Variants in ANKRD30A observed in about 807,000 individuals in gnomAD.
ANKRD30A encodes the protein ankyrin repeat domain 30A.
Under a neutral mutation model 166.3 loss-of-function variants are expected in ANKRD30A, and 170 were observed. The observed-to-expected ratio is 1.02, with a 90% CI of 0.90 to 1.16. The LOEUF is 1.16. Among genes scored for constraint, ANKRD30A ranks in the 50% most tolerant of loss-of-function variants. ANKRD30A has a pLI of 0.00. For missense variants in ANKRD30A, 1,630 were observed against 1,518.0 expected (o/e 1.07, Z -1.23); for synonymous variants, 564 against 508.9 (o/e 1.11, Z -1.46).
chr10:37,263,290 G>A, the ANKRD30A span, among the ~76,000 whole-genome samples: 1 of 151,930 alleles, frequency 6.6e-6, no homozygotes, highest in African/African-American at 2.4e-5. Flanking sequence ...ACCAGAGACT[G>A]GTTTCATGGA....
At chr10:37,244,433 T>G in the ANKRD30A span, among the ~76,000 whole-genome samples, 1 of 152,196 alleles carries the variant, frequency 6.6e-6, no homozygotes, top group East Asian at 1.9e-4. Flanking sequence ...ACAAGAACAT[T>G]TAAACTCCTC....
chr10:37,179,013 A>AACAT (rs1342731044), intron 24 of ANKRD30A, among the ~76,000 whole-genome samples: 1 of 116,832 alleles, frequency 8.6e-6, no homozygotes, highest in Admixed American at 8.5e-5. Flanking sequence ...TGAGGCGTCA[A>AACAT]ATATATATAT....
At chr10:37,150,523 G>T (rs958186906) in intron 11 of ANKRD30A, among the ~76,000 whole-genome samples, 4 of 152,022 alleles carry the variant, frequency 2.6e-5, no homozygotes, top group African/African-American at 9.7e-5. Flanking sequence ...TCTTATGCAT[G>T]TTTAAACATT....
chr10:37,155,942 G>A (rs534280582), intron 13 of ANKRD30A, among the ~76,000 whole-genome samples: 199 of 152,062 alleles, frequency 1.3e-3, no homozygotes, highest in Non-Finnish European at 2.3e-3. Context: ...TTAGCCGGGC[G>A]TGGTGGTGGG....
intron 15 of ANKRD30A, among the ~76,000 whole-genome samples, chr10:37,159,972 T>C (rs1838726074): frequency 6.6e-6 from 1 of 152,196 alleles, no homozygotes. Context: ...GTACTGGAAT[T>C]ACAGGCGTGA....
At chr10:37,208,656 C>G (rs1564571986) in intron 31 of ANKRD30A, among the ~76,000 whole-genome samples, 1 of 152,090 alleles carries the variant, frequency 6.6e-6, no homozygotes, top group East Asian at 1.9e-4. Context: ...GGGAAAACCA[C>G]CATACTAAGT....
chr10:37,264,443 A>G, the ANKRD30A span: 83 of 181,946 alleles, frequency 4.6e-4, no homozygotes, highest in South Asian at 3.4e-3. Flanking sequence ...GGTAGCTAGG[A>G]TGCAGGGATT....
intron 34 of ANKRD30A, among the ~76,000 whole-genome samples, chr10:37,224,798 TTTTCA>T (rs983856896): frequency 1.5e-4 from 22 of 151,546 alleles, no homozygotes; most frequent in Non-Finnish European, 2.7e-4. Context: ...ATGATCTCTC[TTTTCA>T]TTTCTTTTCT....
intron 17 of ANKRD30A, among the ~76,000 whole-genome samples, chr10:37,164,860 T>C (rs1300868197): frequency 1.3e-5 from 2 of 152,038 alleles, no homozygotes; most frequent in Admixed American, 1.3e-4. Context: ...TTCATACAAG[T>C]TAGTCAAATT....
Position 37,197,408 on chromosome 10 carries a change from C to T in ANKRD30A, c.2644C>T (p.Pro882Ser), listed in dbSNP as rs1219901612. 2 of 1,612,474 alleles carry T rather than the reference C, an allele frequency of 1.2e-6. No individual in the cohort carries two copies. Among genetic ancestry groups the T allele is most frequent in the African/African-American group, 2.7e-5 (2 of 74,828 alleles). Residue 882 changes from proline to serine, a missense_variant and splice_region_variant, in exon 29 of 36, where the codon CCT becomes TCT. By Grantham distance (74) the Pro-to-Ser change is moderately conservative. This residue lies in a region of ANKRD30A where 712 missense variants were observed against 629.3 expected (regional missense o/e 1.13). Coordinates refer to ENST00000361713, the MANE Select transcript of ANKRD30A (RefSeq NM_052997.3). ...TCATTTTGCTTCCAACCCCATTTAGCCTGCCATTGAAATGCAAAAGTCTGT... is the reference window on the plus strand; with the variant it reads ...TCATTTTGCTTCCAACCCCATTTAGTCTGCCATTGAAATGCAAAAGTCTGT... ...EPPEKPSAFE[P>S]AIEMQKSVPN...
chr10:37,262,129 T>C, the ANKRD30A span, among the ~76,000 whole-genome samples: 4 of 152,232 alleles, frequency 2.6e-5, no homozygotes, highest in Non-Finnish European at 5.9e-5. Flanking sequence ...CAGAGTTTCT[T>C]GACAGGTGAT....
At chr10:37,135,767 A>G (rs1271032503) in intron 5 of ANKRD30A, among the ~76,000 whole-genome samples, 2 of 152,190 alleles carry the variant, frequency 1.3e-5, no homozygotes, top group African/African-American at 4.8e-5. Context: ...TCAGTAATAG[A>G]GGATAATCAG....
chr10:37,150,686 T>G (rs1837862968), intron 11 of ANKRD30A, among the ~76,000 whole-genome samples: 1 of 152,108 alleles, frequency 6.6e-6, no homozygotes, highest in African/African-American at 2.4e-5. Context: ...TTAACTGTGT[T>G]TTTTAATATT....
At position 37,165,007 on chromosome 10, in the gene ANKRD30A, C is replaced by T. The variant is rs560388390; in HGVS notation, c.2003-87C>T. The T allele has an allele frequency of 2.1e-5, 28 of 1,358,976 alleles. No individual in the cohort carries two copies. In the African/African-American group the frequency reaches 2.9e-4, roughly 14 times the overall value. The allele number at this position is 1,358,976 out of a possible 1,614,324, so 84.2% of individuals were successfully genotyped here. On this transcript the variant is annotated intron_variant, in intron 17 of 35. Transcript: ENST00000361713. The stretch of plus-strand genomic sequence containing the variant: ...GGCCACAGAGGAAAATCCACAGATT[C>T]GTGAATGAAAGTAGATTTGTATATG...
chr10:37,161,775 G>A lies in ANKRD30A; in HGVS notation c.1901-874G>A, dbSNP rs148842136. ...ACACATATTGAAAACTAAGAACATT[G>A]GCTTTATGTTTAAGGAAGTGTGTTG... On this transcript the variant is annotated intron_variant, in intron 15 of 35. Transcript: ENST00000361713. 7.9e-3 allele frequency among the ~76,000 whole-genome samples: 1,199 copies of A among 152,162 alleles called. 6 individuals are homozygous for A. The highest frequency in any genetic ancestry group is 0.014 in the Admixed American group (210 of 15,260).
chr10:37,151,212 T>C (rs970951163), intron 11 of ANKRD30A, among the ~76,000 whole-genome samples: 2 of 152,166 alleles, frequency 1.3e-5, no homozygotes, highest in South Asian at 2.1e-4. Flanking sequence ...ATAGTTGTAA[T>C]TTGTACTTTG....
chr10:37,139,030 G>A lies in ANKRD30A; in HGVS notation c.820+2359G>A, dbSNP rs149351160. Among the ~76,000 whole-genome samples the A allele has an allele frequency of 1.3e-3, 192 of 152,260 alleles. 3 individuals are homozygous for A. In the East Asian group the frequency reaches 0.031, roughly 25 times the overall value. ...CCATCAGACTAACAGCTGATGTCTC[G>A]GCAGAAACGCTACAAGCCAGAAGAG... On this transcript the variant is annotated intron_variant, in intron 6 of 35. Coordinates refer to ENST00000361713, the MANE Select transcript of ANKRD30A (RefSeq NM_052997.3).
chr10:37,202,513 T>C (rs1841704217), intron 31 of ANKRD30A, among the ~76,000 whole-genome samples: 1 of 152,124 alleles, frequency 6.6e-6, no homozygotes, highest in South Asian at 2.1e-4. Flanking sequence ...TTTATAGCAC[T>C]AAATGCCCAC....
At chr10:37,150,010 G>A (rs1222028111) in intron 11 of ANKRD30A, among the ~76,000 whole-genome samples, 161 bp downstream of exon 11, 1 of 151,812 alleles carries the variant, frequency 6.6e-6, no homozygotes, top group Non-Finnish European at 1.5e-5. Context: ...GATATTACAA[G>A]AACAGTAATT....
Sources: allele counts gnomAD v4.1 joint callset (sites outside exome capture counted in the v4.1 genomes callset), GRCh38; gene constraint gnomAD v4.1.1; regional missense constraint gnomAD v4.1.1; transcripts MANE v1.5; gene names NCBI Gene and HGNC (gene_info 2026-07-23, HGNC 2026-07-21).